Variants in DSG3 observed in about 807,000 individuals in gnomAD.
DSG3 encodes desmoglein 3.
Under a neutral mutation model 85.9 loss-of-function variants are expected in DSG3, and 63 were observed. That is an observed-to-expected ratio of 0.73 (90% CI 0.60 to 0.90). The LOEUF is 0.90. Ranked by LOEUF, DSG3 falls within the 40% of genes least tolerant of loss-of-function variation. DSG3 has a pLI of 0.00. For missense variants in DSG3, 1,220 were observed against 1,219.9 expected, an observed-to-expected ratio of 1.00 and a Z score of 0.00; for synonymous variants, 447 against 441.9, an observed-to-expected ratio of 1.01 and a Z score of -0.14.
In DSG3 at chr18:31,465,446, T is replaced by C; in HGVS notation, c.1400T>C (p.Leu467Pro). The C allele has an allele frequency of 6.7e-7, 1 of 1,490,724 alleles. No individual in the cohort carries two copies. The highest frequency in any genetic ancestry group is 8.9e-7 in the Non-Finnish European group (1 of 1,121,186). The allele number at this position is 1,490,724 out of a possible 1,614,324, so 92.3% of individuals were successfully genotyped here. Residue 467 changes from leucine to proline, a missense_variant, in exon 10 of 16, where the codon CTG becomes CCG. Transcript: ENST00000257189. ...IVNKTITAEV[L>P]AIDEYTGKTS... ...AACAAAACAATCACAGCTGAGGTTC[T>C]GGCCATAGATGGTAAGAAAAATATT...
chr18:31,466,137 A>T (rs1419047117), intron 10 of DSG3, among the ~76,000 whole-genome samples: 1 of 152,162 alleles, frequency 6.6e-6, no homozygotes, highest in East Asian at 1.9e-4. Flanking sequence ...AAAAATATAC[A>T]ATTTTTTATT....
At chr18:31,464,901 C>T (rs1371520123) in intron 9 of DSG3, among the ~76,000 whole-genome samples, 1 of 152,054 alleles carries the variant, frequency 6.6e-6, no homozygotes, top group African/African-American at 2.4e-5. Context: ...CTTTGGGAGG[C>T]CGAGGCAGAT....
chr18:31,468,319 C>A (rs1157554132), intron 11 of DSG3, among the ~76,000 whole-genome samples: 2 of 152,138 alleles, frequency 1.3e-5, no homozygotes, highest in Non-Finnish European at 2.9e-5. Context: ...AAGTAAAACA[C>A]AAGAACACAA....
At position 31,472,420 on chromosome 18, in the gene DSG3, C is replaced by T. The variant is rs2072861728; in HGVS notation, c.2034C>T (p.Asp678=). The part of the protein sequence containing the change: ...QWGIEGAHPE[D]KEITNICVPP... ...GAATTGAAGGAGCCCATCCTGAAGA[C>T]AAGGTAAGCATCCAGTTCATAAATT... Residue 678 remains aspartate (D), a synonymous_variant, in exon 13 of 16, where the codon GAC becomes GAT. Transcript: ENST00000257189. 1 of 1,611,880 alleles carries T rather than the reference C, an allele frequency of 6.2e-7. No individual in the cohort carries two copies. The highest frequency in any genetic ancestry group is 2.2e-5 in the East Asian group (1 of 44,872).
At chr18:31,459,675 G>C (rs561123293) in intron 5 of DSG3, among the ~76,000 whole-genome samples, 170 bp from the exon 6 acceptor site, 1 of 152,304 alleles carries the variant, frequency 6.6e-6, no homozygotes, top group East Asian at 1.9e-4. Flanking sequence ...GTTCTACCTG[G>C]TTGGGAGAGA....
At chr18:31,473,295 G>A (rs1189073784) in intron 14 of DSG3, among the ~76,000 whole-genome samples, 1 of 152,114 alleles carries the variant, frequency 6.6e-6, no homozygotes, top group African/African-American at 2.4e-5. Flanking sequence ...CCTGCATTCA[G>A]TCATACTAGG....
intron 12 of DSG3, among the ~76,000 whole-genome samples, chr18:31,471,519 T>C (rs1037078520): frequency 6.6e-6 from 1 of 151,980 alleles, no homozygotes. Flanking sequence ...GTGAAGAGAG[T>C]TGAAACATTA....
intron 12 of DSG3, among the ~76,000 whole-genome samples, chr18:31,471,896 A>C (rs920401582): frequency 1.1e-4 from 17 of 152,314 alleles, no homozygotes; most frequent in Admixed American, 9.8e-4. Context: ...CTGGTCATAT[A>C]TTTATCTGTG....
chr18:31,465,213 C>T, intron 9 of DSG3, 105 bp from the exon 10 acceptor site: 1 of 720,550 alleles, frequency 1.4e-6, no homozygotes, highest in Non-Finnish European at 2.0e-6. Flanking sequence ...TCAATGTGAA[C>T]ATATATTAAA....
rs976704908 is a variant in DSG3 at position 31,472,805 on chromosome 18, T to C, written c.2101+17T>C. 6.2e-7 allele frequency: 1 copy of C among 1,611,856 alleles called. No homozygotes were observed. The highest frequency in any genetic ancestry group is 1.3e-5 in the African/African-American group (1 of 74,904). On this transcript the variant is annotated intron_variant, in intron 14 of 15. Transcript: ENST00000257189. The stretch of plus-strand genomic sequence containing the variant: ...AAAGTTCTGGTAAGTGGACATAAAA[T>C]GTTTGAAAGCAATGGTGAGTTAAGT...
intron 12 of DSG3, among the ~76,000 whole-genome samples, 169 bp downstream of exon 12, chr18:31,469,518 C>T (rs1482746999): frequency 1.3e-5 from 2 of 152,116 alleles, no homozygotes; most frequent in Admixed American, 1.3e-4. Flanking sequence ...TGTAACATGT[C>T]GCTTGCTAAC....
rs1334617832 is a variant in DSG3, at chr18:31,474,241, C to G, written c.2222C>G (p.Thr741Arg). ...SGGAAGFATG[T>R]VSGAASGFGA... ...GGTGCTGCAGGCTTTGCAACAGGGA[C>G]AGTGTCAGGAGCTGCTTCAGGATTC... The change falls in exon 15 of 16, where the codon ACA (threonine) becomes AGA (arginine). Residue 741 changes from threonine to arginine, a missense_variant. Thr to Arg is a moderately conservative substitution (Grantham distance 71). Transcript: ENST00000257189. 2 of 1,614,090 alleles carry G rather than the reference C, an allele frequency of 1.2e-6. No homozygotes were observed. The highest frequency in any genetic ancestry group is 2.7e-5 in the African/African-American group (2 of 74,930).
At position 31,464,208 on chromosome 18, in the gene DSG3, A is replaced by T. The variant is rs755798646; in HGVS notation, c.1097A>T (p.Gln366Leu). 6.2e-7 allele frequency: 1 copy of T among 1,614,086 alleles called. No individual in the cohort carries two copies. Among genetic ancestry groups the T allele is most frequent in the Non-Finnish European group, 8.5e-7 (1 of 1,180,036 alleles). Residue 366 changes from glutamine to leucine, a missense_variant, in exon 9 of 16, where the codon CAG (glutamine) becomes CTG (leucine). Coordinates refer to ENST00000257189, the MANE Select transcript of DSG3 (RefSeq NM_001944.3). Reference sequence around the variant, plus strand: ...TCAGTTATCTCTCGATACCGAGTTCAGTCAACCCCAGTCACAATTCAGGTA... The same window carrying T: ...TCAGTTATCTCTCGATACCGAGTTCTGTCAACCCCAGTCACAATTCAGGTA... ...HQSVISRYRV[Q>L]STPVTIQVIN...
Position 31,477,944 on chromosome 18 carries a change from C to T in DSG3, c.*1684C>T, listed in dbSNP as rs1334352792. ...TTTTGCAGATGGAATGCAAAGTAAT[C>T]AAGTGTTTGTGCTTTCACCTAGAAG... On this transcript the variant is annotated 3_prime_UTR_variant, in exon 16 of 16. Coordinates refer to ENST00000257189, the MANE Select transcript of DSG3 (RefSeq NM_001944.3). The T allele has an allele frequency of 6.6e-6, 1 of 152,160 alleles. No individual in the cohort carries two copies. Among genetic ancestry groups the T allele is most frequent in the African/African-American group, 2.4e-5 (1 of 41,426 alleles). The allele number at this position is 152,160 out of a possible 1,614,324, so 9.4% of individuals were successfully genotyped here.
chr18:31,469,359 CA>C lies in DSG3; in HGVS notation c.1897+12del. ...CTCCTGCTGCTGCTGTGTGAGTAGC[CA>C]ATGTTTCATTCTCTGTTGGACCAGG... On this transcript the variant is annotated intron_variant, in intron 12 of 15. Coordinates refer to ENST00000257189, the MANE Select transcript of DSG3 (RefSeq NM_001944.3). 1 of 1,611,988 alleles carries C rather than the reference CA, an allele frequency of 6.2e-7. No homozygotes were observed. Among genetic ancestry groups the C allele is most frequent in the Non-Finnish European group, 8.5e-7 (1 of 1,179,776 alleles).
chr18:31,471,382 C>A (rs2072854474), intron 12 of DSG3, among the ~76,000 whole-genome samples: 1 of 152,152 alleles, frequency 6.6e-6, no homozygotes, highest in Non-Finnish European at 1.5e-5. Flanking sequence ...GATGAGTTAA[C>A]TGAGCAAAGA....
At chr18:31,452,311 G>A (rs1230118030) in intron 1 of DSG3, among the ~76,000 whole-genome samples, 1 of 152,078 alleles carries the variant, frequency 6.6e-6, no homozygotes, top group Non-Finnish European at 1.5e-5. Flanking sequence ...ACGAGGTCAA[G>A]AGATTGAGAC....
rs185357990 is a variant in DSG3, at chr18:31,456,011, G to T, written c.49-429G>T. Among the ~76,000 whole-genome samples, 522 of 152,268 alleles carry T rather than the reference G, an allele frequency of 3.4e-3. 5 individuals are homozygous for T. Among genetic ancestry groups the T allele is most frequent in the African/African-American group, 0.011 (456 of 41,556 alleles). Reference sequence around the variant, plus strand: ...TGCCTTCCTACAAATCAGTTGGGTGGCTGAAGGTTTTTAATAATCCCCTGT... The same window carrying T: ...TGCCTTCCTACAAATCAGTTGGGTGTCTGAAGGTTTTTAATAATCCCCTGT... On this transcript the variant is annotated intron_variant, in intron 1 of 15. Coordinates refer to ENST00000257189, the MANE Select transcript of DSG3 (RefSeq NM_001944.3).
intron 1 of DSG3, among the ~76,000 whole-genome samples, chr18:31,453,681 T>G (rs891365269): frequency 1.3e-5 from 2 of 152,138 alleles, no homozygotes; most frequent in Non-Finnish European, 2.9e-5. Flanking sequence ...TTAAAAATCA[T>G]ATAATTAAAA....
Sources: allele counts gnomAD v4.1 joint callset (sites outside exome capture counted in the v4.1 genomes callset), GRCh38; gene constraint gnomAD v4.1.1; transcripts MANE v1.5; gene names NCBI Gene and HGNC (gene_info 2026-07-23, HGNC 2026-07-21).